Variants in BMS1 observed in about 807,000 individuals in gnomAD.
BMS1 encodes BMS1 ribosome biogenesis factor.
Under a neutral mutation model 138.7 loss-of-function variants are expected in BMS1, and 53 were observed. The ratio of observed to expected loss-of-function variants is 0.38; its 90% CI spans 0.31 to 0.48. The LOEUF (loss-of-function observed/expected upper bound fraction) is 0.48, where lower values mean the gene tolerates loss of function less well. Ranked by LOEUF, BMS1 falls within the 20% of genes least tolerant of loss-of-function variation. The pLI is 0.97. For missense variants in BMS1, 1,360 were observed against 1,565.5 expected, an observed-to-expected ratio of 0.87 and a Z score of 2.22; for synonymous variants, 504 against 539.9, an observed-to-expected ratio of 0.93 and a Z score of 0.92.
At chr10:42,803,910 T>C (rs778096113) in intron 13 of BMS1, among the ~76,000 whole-genome samples, 10 of 152,242 alleles carry the variant, frequency 6.6e-5, no homozygotes, top group Non-Finnish European at 1.5e-4. Flanking sequence ...TCTTGTCCTC[T>C]TCCATCACCA....
At chr10:42,800,133 A>G (rs1005239597) in intron 12 of BMS1, among the ~76,000 whole-genome samples, 1 of 152,240 alleles carries the variant, frequency 6.6e-6, no homozygotes, top group African/African-American at 2.4e-5. Context: ...AAATGTGGCT[A>G]ATGAGACTGG....
In BMS1 at chr10:42,796,619, G is replaced by T; in HGVS notation, c.1375G>T (p.Gly459Cys). ...EMSEDDGLENGSSDEEAEEEE... is the reference protein window; with the variant it reads ...EMSEDDGLENCSSDEEAEEEE... ...GTCTGAAGATGACGGGTTGGAAAAC[G>T]GCTCTAGTGATGAGGAAGCAGAAGA... Residue 459 changes from glycine to cysteine, a missense_variant, in exon 10 of 23, where the codon GGC becomes TGC. By Grantham distance (159) the Gly-to-Cys change is radical. Coordinates refer to ENST00000374518, the MANE Select transcript of BMS1 (RefSeq NM_014753.4). The T allele has an allele frequency of 6.2e-7, 1 of 1,614,132 alleles. No homozygotes were observed. Among genetic ancestry groups the T allele is most frequent in the Non-Finnish European group, 8.5e-7 (1 of 1,180,018 alleles).
intron 21 of BMS1, among the ~76,000 whole-genome samples, chr10:42,825,333 G>A (rs890945751): frequency 3.9e-5 from 6 of 152,210 alleles, no homozygotes; most frequent in Admixed American, 1.3e-4. Context: ...GTTCTGTGAA[G>A]AATGCCAACA....
At position 42,823,205 on chromosome 10, in the gene BMS1, G is replaced by A; in HGVS notation, c.3220G>A (p.Ala1074Thr). ...TGGGATAAGGGGGCAGATCAAGAAA[G>A]CACTCCGAGCTCCAGAAGGAGCTTT... ...VSGIRGQIKK[A>T]LRAPEGAFRA... The change falls in exon 20 of 23, where the codon GCA (alanine) becomes ACA (threonine). Residue 1074 changes from alanine (A) to threonine (T), a missense_variant. By Grantham distance (58) the Ala-to-Thr change is moderately conservative. Coordinates refer to ENST00000374518, the MANE Select transcript of BMS1 (RefSeq NM_014753.4). 2 of 1,607,100 alleles carry A rather than the reference G, an allele frequency of 1.2e-6. No homozygotes were observed. The highest frequency in any genetic ancestry group is 1.7e-6 in the Non-Finnish European group (2 of 1,178,378).
rs1171253277 is a variant in BMS1 at position 42,793,064 on chromosome 10, G to A, written c.1009G>A (p.Ala337Thr). 6.2e-7 allele frequency: 1 copy of A among 1,613,950 alleles called. No individual in the cohort carries two copies. Residue 337 changes from alanine (A) to threonine (T), a missense_variant, in exon 8 of 23, where the codon GCG becomes ACG. Coordinates refer to ENST00000374518, the MANE Select transcript of BMS1 (RefSeq NM_014753.4). Reference sequence around the variant, plus strand: ...AAATGAGAAGGAGAAGCTGGTTTATGCGCCTCTTTCTGGAGTTGGGGGTGT... The same window carrying A: ...AAATGAGAAGGAGAAGCTGGTTTATACGCCTCTTTCTGGAGTTGGGGGTGT... ...CLNEKEKLVY[A>T]PLSGVGGVLY...
At chr10:42,792,369 T>G (rs1280590378) in intron 6 of BMS1, 124 bp from the exon 7 acceptor site, 2 of 1,348,986 alleles carry the variant, frequency 1.5e-6, no homozygotes, top group Admixed American at 2.2e-5. Context: ...TCCTTATTTC[T>G]GCATTTTCTA....
intron 10 of BMS1, 22 bp downstream of exon 10, chr10:42,797,253 T>G: frequency 2.5e-6 from 4 of 1,593,166 alleles, no homozygotes; most frequent in South Asian, 1.1e-5. Context: ...TGTAGTTGGT[T>G]GCTGCTATGA....
In BMS1 at chr10:42,830,482, A is replaced by G. The variant is rs1357383868; in HGVS notation, c.3618+60A>G. ...TAGATAGGAAAAGAACACTCTCAAT[A>G]GCACACTTCCTGTTTCTACTGTAGT... On this transcript the variant is annotated intron_variant, in intron 22 of 22. Coordinates refer to ENST00000374518, the MANE Select transcript of BMS1 (RefSeq NM_014753.4). 1.2e-5 allele frequency: 18 copies of G among 1,545,330 alleles called. No individual in the cohort carries two copies. The South Asian group carries it at 1.4e-4, about 12-fold the overall frequency.
At chr10:42,817,242 G>T in intron 14 of BMS1, 76 bp from the exon 15 acceptor site, 1 of 1,152,080 alleles carries the variant, frequency 8.7e-7, no homozygotes, top group Admixed American at 2.8e-5. Context: ...TGTTTAAATA[G>T]AACTTTAAAA....
chr10:42,796,291 A>T (rs1564413668), intron 9 of BMS1, among the ~76,000 whole-genome samples, 183 bp from the exon 10 acceptor site: 2 of 152,200 alleles, frequency 1.3e-5, no homozygotes, highest in Non-Finnish European at 2.9e-5. Flanking sequence ...TTAGGGAACC[A>T]TGCCCGAGTT....
At chr10:42,788,030 C>G (rs1192233685) in intron 4 of BMS1, among the ~76,000 whole-genome samples, 1 of 138,578 alleles carries the variant, frequency 7.2e-6, no homozygotes, top group Non-Finnish European at 1.6e-5. Flanking sequence ...TTAGTTTTTT[C>G]TAGACACCTG....
At chr10:42,826,931 C>T (rs1267480532) in intron 21 of BMS1, among the ~76,000 whole-genome samples, 4 of 152,140 alleles carry the variant, frequency 2.6e-5, no homozygotes, top group South Asian at 2.1e-4. Context: ...CAGCGTGGCC[C>T]CGCAGGGTGG....
chr10:42,793,316 T>A (rs1841573204), intron 8 of BMS1, among the ~76,000 whole-genome samples, 172 bp downstream of exon 8: 1 of 152,036 alleles, frequency 6.6e-6, no homozygotes, highest in African/African-American at 2.4e-5. Flanking sequence ...ATAATACTTT[T>A]TTTTTCATTG....
intron 15 of BMS1, among the ~76,000 whole-genome samples, chr10:42,818,611 G>C (rs1200846807): frequency 2.0e-5 from 3 of 152,232 alleles, no homozygotes; most frequent in Non-Finnish European, 4.4e-5. Flanking sequence ...TTGTAAGTTA[G>C]ATAGGAAACC....
chr10:42,831,344 G>A lies in BMS1; in HGVS notation c.*248G>A. 1 of 413,196 alleles carries A rather than the reference G, an allele frequency of 2.4e-6. No individual in the cohort carries two copies. The highest frequency in any genetic ancestry group is 5.2e-5 in the South Asian group (1 of 19,150). The allele number at this position is 413,196 out of a possible 1,614,324, so 25.6% of individuals were successfully genotyped here. Reference sequence around the variant, plus strand: ...TATGTGGATTCTCTTACTTTCCTCTGCCTGCCTCAGTTTAATTATTTTGTC... The same window carrying A: ...TATGTGGATTCTCTTACTTTCCTCTACCTGCCTCAGTTTAATTATTTTGTC... On this transcript the variant is annotated 3_prime_UTR_variant, in exon 23 of 23. Transcript: ENST00000374518.
Position 42,820,249 on chromosome 10 carries a change from A to C in BMS1, c.2594A>C (p.Glu865Ala), listed in dbSNP as rs1842466424. Residue 865 changes from glutamate to alanine, a missense_variant, in exon 16 of 23, where the codon GAA becomes GCA. This residue lies in a region of BMS1 where 425 missense variants were observed against 568.3 expected (regional missense o/e 0.75). Coordinates refer to ENST00000374518, the MANE Select transcript of BMS1 (RefSeq NM_014753.4). ...CATCATGTACAGCTGAATCGCGCAG[A>C]ATTTGAAGATCAAGATGATGAAGCC... is the stretch of plus-strand genomic sequence containing the variant. ...MQKQAQLNRA[E>A]FEDQDDEARV... 1 of 1,612,312 alleles carries C rather than the reference A, an allele frequency of 6.2e-7. No homozygotes were observed. The highest frequency in any genetic ancestry group is 1.7e-5 in the Admixed American group (1 of 60,008).
chr10:42,784,032 C>T (rs941832355), intron 1 of BMS1, among the ~76,000 whole-genome samples: 12 of 152,098 alleles, frequency 7.9e-5, no homozygotes, highest in African/African-American at 2.9e-4. Flanking sequence ...TTGTAAGTAA[C>T]CACATGTGGC....
At chr10:42,818,881 G>A (rs1842424842) in intron 15 of BMS1, among the ~76,000 whole-genome samples, 1 of 152,184 alleles carries the variant, frequency 6.6e-6, no homozygotes, top group South Asian at 2.1e-4. Context: ...GTGTGAGCAT[G>A]CAGGCACACA....
rs181817862 is a variant in BMS1, at chr10:42,784,354, C to G, written c.-33-8C>G. The stretch of plus-strand genomic sequence containing the variant: ...CCCATCTCCTTACCCCAACCTTCTT[C>G]CTTGTAGGTTAGAGTTACTTGTTAT... On this transcript the variant is annotated splice_polypyrimidine_tract_variant and splice_region_variant and intron_variant, in intron 1 of 22. Transcript: ENST00000374518. 6.5e-7 allele frequency: 1 copy of G among 1,541,722 alleles called. No homozygotes were observed. Among genetic ancestry groups the G allele is most frequent in the East Asian group, 2.3e-5 (1 of 44,140 alleles).
Sources: gnomAD v4.1 joint callset for allele counts (sites outside exome capture counted in the v4.1 genomes callset) on GRCh38, gnomAD v4.1.1 for gene constraint, gnomAD v4.1.1 regional missense constraint, MANE v1.5 for transcripts, NCBI Gene and HGNC (gene_info 2026-07-23, HGNC 2026-07-21) for gene names.